The following RBX1 variants were observed in gnomAD, a reference collection of about 807,000 sequenced individuals.
RBX1 encodes E3 ubiquitin-protein ligase RBX1.
For synonymous variants in RBX1, 48 were observed against 47.9 expected (o/e 1.00, Z -0.01); for missense variants, 46 against 141.4 (o/e 0.33, Z 3.42).
chr22:40,961,787 C>G (rs563176559), intron 2 of RBX1, among the ~76,000 whole-genome samples: 1 of 149,240 alleles, frequency 6.7e-6, no homozygotes, highest in Non-Finnish European at 1.5e-5. Flanking sequence ...TTTGCTTTCT[C>G]TGTGTGTGTG....
chr22:40,972,340 G>A, intron 4 of RBX1, 136 bp from the exon 5 acceptor site: 1 of 629,876 alleles, frequency 1.6e-6, no homozygotes, highest in Non-Finnish European at 2.9e-6. Context: ...GCTAGTGTCA[G>A]TGTCGTCACC....
At chr22:40,969,042 G>A (rs1271717968) in intron 4 of RBX1, among the ~76,000 whole-genome samples, 2 of 151,980 alleles carry the variant, frequency 1.3e-5, no homozygotes, top group African/African-American at 2.4e-5. Flanking sequence ...GGCCAGGCAC[G>A]GTGGCTCACG....
At chr22:40,958,580 G>A (rs1445452625) in intron 2 of RBX1, among the ~76,000 whole-genome samples, 1 of 152,022 alleles carries the variant, frequency 6.6e-6, no homozygotes, top group Non-Finnish European at 1.5e-5. Context: ...CTGTACCTTT[G>A]TATTTATTTT....
intron 2 of RBX1, among the ~76,000 whole-genome samples, chr22:40,960,123 G>C (rs2058335990): frequency 6.6e-6 from 1 of 151,774 alleles, no homozygotes; most frequent in East Asian, 1.9e-4. Flanking sequence ...AAAAAAAAAA[G>C]AATGAATCTG....
At chr22:40,969,204 T>G (rs896575353) in intron 4 of RBX1, among the ~76,000 whole-genome samples, 1 of 151,972 alleles carries the variant, frequency 6.6e-6, no homozygotes, top group African/African-American at 2.4e-5. Context: ...TCCCAGCTAC[T>G]TGGGAGGCTG....
intron 2 of RBX1, among the ~76,000 whole-genome samples, chr22:40,959,775 C>A (rs1417865575): frequency 6.6e-6 from 1 of 151,994 alleles, no homozygotes; most frequent in Non-Finnish European, 1.5e-5. Flanking sequence ...TGCACCAGTG[C>A]CCTCCGGCCT....
At chr22:40,965,427 T>TTTTTTTG (rs967625631) in intron 3 of RBX1, among the ~76,000 whole-genome samples, 5 of 152,038 alleles carry the variant, frequency 3.3e-5, no homozygotes, top group African/African-American at 7.2e-5. Flanking sequence ...TTTTTGTTTT[T>TTTTTTTG]TTTTTTGTTT....
At position 40,968,085 on chromosome 22, in the gene RBX1, CTTTT is replaced by C. The variant is rs938566744; in HGVS notation, c.314+221_314+224del. ...CATTTGCAGCCTAGGGTTTCCCAAC[CTTTT>C]TTTTTTTTTTTTTTTTTTTGAGACG... On this transcript the variant is annotated intron_variant, in intron 4 of 4. Transcript: ENST00000216225. 1.0e-3 allele frequency among the ~76,000 whole-genome samples: 116 copies of C among 111,228 alleles called. No individual in the cohort carries two copies. The Middle Eastern group carries it at 0.024, about 23-fold the overall frequency. 73.0% of individuals were successfully genotyped at this position (111,228 alleles called of 152,430 possible). A position where few individuals can be genotyped will look rare whatever the true frequency, so the allele number is the denominator to read the frequency against.
rs1234001260 is a variant in RBX1 at position 40,964,135 on chromosome 22, C to T, written c.228+18C>T. The T allele has an allele frequency of 6.3e-7, 1 of 1,585,472 alleles. No individual in the cohort carries two copies. The highest frequency in any genetic ancestry group is 1.3e-5 in the African/African-American group (1 of 74,288). On this transcript the variant is annotated intron_variant, in intron 3 of 4. Coordinates refer to ENST00000216225, the MANE Select transcript of RBX1 (RefSeq NM_014248.4). ...TCTGTAACGTAAGGAAGCATCTTTA[C>T]CTGTCAGCATGGCTTGTAAACATAT... is the stretch of plus-strand genomic sequence containing the variant.
intron 2 of RBX1, among the ~76,000 whole-genome samples, chr22:40,957,888 G>A (rs2058329947): frequency 1.3e-5 from 2 of 151,956 alleles, no homozygotes; most frequent in Admixed American, 6.6e-5. Context: ...GCAGTGGCAC[G>A]ATCTCGGCTT....
chr22:40,966,429 G>A (rs544815351), intron 3 of RBX1: 3 of 152,126 alleles, frequency 2.0e-5, no homozygotes, highest in African/African-American at 4.8e-5. Context: ...AGAAGCTGTC[G>A]AATACCCTTC....
intron 1 of RBX1, among the ~76,000 whole-genome samples, chr22:40,952,087 C>T (rs1453481312): frequency 6.6e-6 from 1 of 152,112 alleles, no homozygotes; most frequent in African/African-American, 2.4e-5. Flanking sequence ...TTCACACAAC[C>T]ACCCCACTCT....
chr22:40,964,136 CT>C lies in RBX1; in HGVS notation c.228+20del, dbSNP rs1401489989. On this transcript the variant is annotated intron_variant, in intron 3 of 4. Coordinates refer to ENST00000216225, the MANE Select transcript of RBX1 (RefSeq NM_014248.4). ...CTGTAACGTAAGGAAGCATCTTTACCTGTCAGCATGGCTTGTAAACATATTT... is the reference window on the plus strand; with the variant it reads ...CTGTAACGTAAGGAAGCATCTTTACCGTCAGCATGGCTTGTAAACATATTT... 1.3e-6 allele frequency: 2 copies of C among 1,572,676 alleles called. No individual in the cohort carries two copies. The highest frequency in any genetic ancestry group is 8.8e-7 in the Non-Finnish European group (1 of 1,142,318).
At chr22:40,972,301 G>C (rs1163191383) in intron 4 of RBX1, among the ~76,000 whole-genome samples, 175 bp from the exon 5 acceptor site, 2 of 152,190 alleles carry the variant, frequency 1.3e-5, no homozygotes, top group Non-Finnish European at 2.9e-5. Context: ...AAGATGGGGA[G>C]GGGAAAGGGG....
chr22:40,958,307 TAA>T (rs751085056), intron 2 of RBX1, among the ~76,000 whole-genome samples: 9 of 135,614 alleles, frequency 6.6e-5, no homozygotes, highest in African/African-American at 8.2e-5. Context: ...TGCCATAACT[TAA>T]AAAAAAAAAA....
At chr22:40,952,920 A>G (rs2058315250) in intron 1 of RBX1, among the ~76,000 whole-genome samples, 1 of 148,252 alleles carries the variant, frequency 6.7e-6, no homozygotes, top group Non-Finnish European at 1.5e-5. Context: ...GCAGATACTT[A>G]TTCAGATTTT....
Position 40,966,255 on chromosome 22 carries a change from T to C in RBX1, c.229-1544T>C, listed in dbSNP as rs111379559. 1.2e-3 allele frequency: 184 copies of C among 152,358 alleles called. 3 individuals are homozygous for C. Among genetic ancestry groups the C allele is most frequent in the African/African-American group, 4.4e-3 (181 of 41,584 alleles). The allele number at this position is 152,358 out of a possible 1,614,324, so 9.4% of individuals were successfully genotyped here. A position where few individuals can be genotyped will look rare whatever the true frequency, so the allele number is the denominator to read the frequency against. On this transcript the variant is annotated intron_variant, in intron 3 of 4. Coordinates refer to ENST00000216225, the MANE Select transcript of RBX1 (RefSeq NM_014248.4). ...TGTAAATTGTACTTTGACCGCTAAA[T>C]ATATCCATTAATACATCTTAGTAAA...
rs1273433902 is a variant in RBX1, at chr22:40,951,425, C to T, written c.27C>T (p.Thr9=). Residue 9 remains threonine, a synonymous_variant, in exon 1 of 5, where the codon ACC becomes ACT. Coordinates refer to ENST00000216225, the MANE Select transcript of RBX1 (RefSeq NM_014248.4). MAAAMDVD[T]PSGTNSGAGK... Reference sequence around the variant, plus strand: ...TGGCGGCAGCGATGGATGTGGATACCCCGAGCGGCACCAACAGCGGCGCGG... The same window carrying T: ...TGGCGGCAGCGATGGATGTGGATACTCCGAGCGGCACCAACAGCGGCGCGG... The T allele has an allele frequency of 6.2e-7, 1 of 1,613,442 alleles. No individual in the cohort carries two copies. Among genetic ancestry groups the T allele is most frequent in the Non-Finnish European group, 8.5e-7 (1 of 1,179,816 alleles).
At chr22:40,970,053 T>TA (rs71328761) in intron 4 of RBX1, among the ~76,000 whole-genome samples, 8,704 of 109,578 alleles carry the variant, frequency 0.079, 331 homozygotes, top group South Asian at 0.11. Context: ...AGACCCAATT[T>TA]AAAAAAAAAA....
Sources: gnomAD v4.1 joint callset for allele counts (sites outside exome capture counted in the v4.1 genomes callset) on GRCh38, gnomAD v4.1.1 for gene constraint, MANE v1.5 for transcripts, NCBI Gene and HGNC (gene_info 2026-07-23, HGNC 2026-07-21) for gene names.